ABLIM3: variants seen among roughly 807,000 people sequenced by gnomAD.
ABLIM3 encodes the protein actin binding LIM protein family member 3.
ABLIM3 carries 61 observed loss-of-function variants against 109.5 expected under a neutral mutation model. The ratio of observed to expected loss-of-function variants is 0.56; its 90% CI spans 0.45 to 0.69. The LOEUF is 0.69. Among genes scored for constraint, ABLIM3 ranks in the 30% least tolerant of loss-of-function variants. The pLI, the probability that ABLIM3 is intolerant of heterozygous loss-of-function variation, is 0.00. For synonymous variants in ABLIM3, 300 were observed against 324.8 expected, an observed-to-expected ratio of 0.92 and a Z score of 0.82; for missense variants, 796 against 889.5, an observed-to-expected ratio of 0.89 and a Z score of 1.34.
intron 5 of ABLIM3, among the ~76,000 whole-genome samples, chr5:149,201,745 A>T (rs923635171): frequency 6.6e-6 from 1 of 152,110 alleles, no homozygotes; most frequent in African/African-American, 2.4e-5. Flanking sequence ...ACAGAAAAAC[A>T]AGGAGGCTGG....
At chr5:149,163,383 T>G (rs534640094) in intron 2 of ABLIM3, among the ~76,000 whole-genome samples, 2 of 151,074 alleles carry the variant, frequency 1.3e-5, no homozygotes, top group South Asian at 2.1e-4. Flanking sequence ...CTATTTAAAA[T>G]AATTATTTAC....
At chr5:149,229,981 C>T (rs1761687579) in intron 8 of ABLIM3, among the ~76,000 whole-genome samples, 1 of 152,242 alleles carries the variant, frequency 6.6e-6, no homozygotes, top group African/African-American at 2.4e-5. Flanking sequence ...GCGGAATATA[C>T]ACCATGACAC....
intron 17 of ABLIM3, among the ~76,000 whole-genome samples, chr5:149,247,221 A>G (rs2127567739): frequency 6.6e-6 from 1 of 152,372 alleles, no homozygotes; most frequent in South Asian, 2.1e-4. Flanking sequence ...GTGTGATTCC[A>G]TTTCCATGAA....
rs181096881 is a variant in ABLIM3, at chr5:149,184,783, A to C, written c.151+1194A>C. 4.1e-4 allele frequency among the ~76,000 whole-genome samples: 62 copies of C among 152,318 alleles called. No homozygotes were observed. The East Asian group carries it at 0.012, about 28-fold the overall frequency. On this transcript the variant is annotated intron_variant, in intron 3 of 23. Coordinates refer to ENST00000309868, the MANE Select transcript of ABLIM3 (RefSeq NM_014945.5). ...TTCAGTAACTGCCTCAGTCTCATGCACCTGAGAGTGACTTCCCCTGCCATT... is the reference window on the plus strand; with the variant it reads ...TTCAGTAACTGCCTCAGTCTCATGCCCCTGAGAGTGACTTCCCCTGCCATT...
chr5:149,251,012 A>G (rs1034015301), intron 20 of ABLIM3, among the ~76,000 whole-genome samples: 11 of 152,184 alleles, frequency 7.2e-5, no homozygotes, highest in African/African-American at 2.7e-4. Context: ...TGGAAAAAGA[A>G]AAGTGATGAG....
At chr5:149,148,478 C>T (rs776050254) in intron 2 of ABLIM3, among the ~76,000 whole-genome samples, 6 of 152,152 alleles carry the variant, frequency 3.9e-5, no homozygotes, top group Non-Finnish European at 5.9e-5. Context: ...GTAGATCCAA[C>T]ATCCAGCCTT....
At chr5:149,171,793 A>G (rs1323224950) in intron 2 of ABLIM3, among the ~76,000 whole-genome samples, 2 of 152,152 alleles carry the variant, frequency 1.3e-5, no homozygotes, top group African/African-American at 4.8e-5. Context: ...TTTGGCCCCA[A>G]TCCATGCCTT....
At chr5:149,247,544 A>C in intron 17 of ABLIM3, 1 of 678,096 alleles carries the variant, frequency 1.5e-6, no homozygotes. Flanking sequence ...GTCACTGGCC[A>C]GGCTTGCTTT....
chr5:149,204,973 G>A (rs1225101350), intron 5 of ABLIM3, among the ~76,000 whole-genome samples: 1 of 152,192 alleles, frequency 6.6e-6, no homozygotes, highest in Non-Finnish European at 1.5e-5. Context: ...ATACAGCTAT[G>A]CAATAAGTTT....
At chr5:149,225,504 G>A (rs1301297342) in intron 8 of ABLIM3, among the ~76,000 whole-genome samples, 2 of 152,056 alleles carry the variant, frequency 1.3e-5, no homozygotes, top group Non-Finnish European at 1.5e-5. Context: ...TCCTTTTATG[G>A]CTGAACAATA....
intron 2 of ABLIM3, among the ~76,000 whole-genome samples, chr5:149,169,980 T>C (rs540838203): frequency 2.6e-5 from 4 of 152,346 alleles, no homozygotes; most frequent in African/African-American, 9.6e-5. Context: ...CTATCTCTTT[T>C]TTTAACTTTT....
intron 8 of ABLIM3, among the ~76,000 whole-genome samples, chr5:149,226,341 C>A (rs953744871): frequency 6.6e-6 from 1 of 151,864 alleles, no homozygotes; most frequent in Non-Finnish European, 1.5e-5. Flanking sequence ...AAAAATTAGC[C>A]GAGTGTGGTG....
chr5:149,218,006 T>C (rs984067214), intron 8 of ABLIM3: 5 of 152,232 alleles, frequency 3.3e-5, no homozygotes, highest in African/African-American at 1.2e-4. Context: ...GAGAGAAGTG[T>C]GGGCCTTTGA....
chr5:149,231,665 C>A lies in ABLIM3; in HGVS notation c.816+958C>A, dbSNP rs557678662. ...ATTTCTTTCCCTGTTTCTTGCAAGA[C>A]CCTCTCCCATTTAAGGTATAAGACC... On this transcript the variant is annotated intron_variant, in intron 9 of 23. Transcript: ENST00000309868. Among the ~76,000 whole-genome samples the A allele has an allele frequency of 9.8e-5, 15 of 152,298 alleles. No individual in the cohort carries two copies. In the East Asian group the frequency reaches 2.9e-3, roughly 29 times the overall value.
intron 3 of ABLIM3, among the ~76,000 whole-genome samples, chr5:149,189,505 A>G (rs1374072817): frequency 1.3e-5 from 2 of 152,268 alleles, no homozygotes; most frequent in African/African-American, 2.4e-5. Context: ...TTACAATTGC[A>G]TAATAAGAAG....
rs547225186 is a variant in ABLIM3 at position 149,210,383 on chromosome 5, C to T, written c.576-343C>T. Among the ~76,000 whole-genome samples, 3 of 152,320 alleles carry T rather than the reference C, an allele frequency of 2.0e-5. No individual in the cohort carries two copies. In the East Asian group the frequency reaches 5.8e-4, roughly 29 times the overall value. On this transcript the variant is annotated intron_variant, in intron 6 of 23. Coordinates refer to ENST00000309868, the MANE Select transcript of ABLIM3 (RefSeq NM_014945.5). ...TCTGACTCATAGGGTTGCCATCAAA[C>T]ACCATCAAAGAGCCCGGCGCACACC...
chr5:149,258,177 T>C lies in ABLIM3; in HGVS notation c.1939-114T>C. On this transcript the variant is annotated intron_variant, in intron 23 of 23. Transcript: ENST00000309868. ...CTCAGGCACCATGCAAGGCACAGGG[T>C]GCCCAGAGGGAACATGCAGCACCCA... is the stretch of plus-strand genomic sequence containing the variant. The C allele has an allele frequency of 1.1e-5, 9 of 801,592 alleles. No individual in the cohort carries two copies. The South Asian group carries it at 1.2e-4, about 11-fold the overall frequency. 49.7% of individuals were successfully genotyped at this position (801,592 alleles called of 1,614,324 possible).
chr5:149,166,550 C>T (rs1197924685), intron 2 of ABLIM3, among the ~76,000 whole-genome samples: 1 of 152,204 alleles, frequency 6.6e-6, no homozygotes, highest in South Asian at 2.1e-4. Flanking sequence ...CTCAGTATGG[C>T]TCACCAAGCT....
At chr5:149,178,068 G>A (rs545155741) in intron 2 of ABLIM3, among the ~76,000 whole-genome samples, 3 of 152,096 alleles carry the variant, frequency 2.0e-5, no homozygotes, top group South Asian at 4.2e-4. Flanking sequence ...TCAGTGCAAC[G>A]ATCCCATGAC....
Sources: allele counts gnomAD v4.1 joint callset (sites outside exome capture counted in the v4.1 genomes callset), GRCh38; gene constraint gnomAD v4.1.1; transcripts MANE v1.5; gene names NCBI Gene and HGNC (gene_info 2026-07-23, HGNC 2026-07-21).